SOX6: variants seen among roughly 807,000 people sequenced by gnomAD.
SOX6 encodes the protein transcription factor SOX-6.
A neutral mutation model predicts 97.8 loss-of-function variants in SOX6; 11 were observed. That is an observed-to-expected ratio of 0.11 (90% CI 0.07 to 0.19). The LOEUF (loss-of-function observed/expected upper bound fraction) is 0.19, where lower values mean the gene tolerates loss of function less well. Among genes scored for constraint, SOX6 ranks in the 10% least tolerant of loss-of-function variants. The pLI is 1.00. For missense variants in SOX6, 810 were observed against 1,039.5 expected (o/e 0.78, Z 3.04); for synonymous variants, 360 against 371.4 (o/e 0.97, Z 0.35).
At chr11:16,361,662 C>G (rs1857214501) in intron 1 of SOX6, among the ~76,000 whole-genome samples, 1 of 152,234 alleles carries the variant, frequency 6.6e-6, no homozygotes, top group East Asian at 1.9e-4. Context: ...AACATGTAAT[C>G]CTGAACCAGT....
intron 1 of SOX6, among the ~76,000 whole-genome samples, chr11:16,379,478 A>C (rs1857743605): frequency 6.6e-6 from 1 of 152,210 alleles, no homozygotes; most frequent in Non-Finnish European, 1.5e-5. Context: ...AAAAAAGAAA[A>C]AAAAATGCAA....
At chr11:16,513,144 T>A (rs868641255) in intron 4 of SOX6, among the ~76,000 whole-genome samples, 1 of 152,212 alleles carries the variant, frequency 6.6e-6, no homozygotes, top group South Asian at 2.1e-4. Context: ...AAGAAGCATA[T>A]GTGCAACTTC....
intron 3 of SOX6, among the ~76,000 whole-genome samples, chr11:16,662,533 AT>A (rs1847773553): frequency 6.6e-6 from 1 of 152,210 alleles, no homozygotes; most frequent in Non-Finnish European, 1.5e-5. Context: ...ACAATATAAT[AT>A]TTTTAAAAAG....
Position 16,259,973 on chromosome 11 carries a change from G to GTGTGTGTGTGTGTA in SOX6, c.446-25303_446-25302insTACACACACACACA, listed in dbSNP as rs71044090. Among the ~76,000 whole-genome samples, 663 of 145,248 alleles carry GTGTGTGTGTGTGTA rather than the reference G, an allele frequency of 4.6e-3. 2 individuals carry two copies. The highest frequency in any genetic ancestry group is 0.015 in the African/African-American group (625 of 40,482). ...TGTGTGTGTGTGTGTGTGTGTGTGT[G>GTGTGTGTGTGTGTA]TATATATACACATATACATATATAT... On this transcript the variant is annotated intron_variant, in intron 3 of 15. Transcript: ENST00000683767.
intron 1 of SOX6, chr11:16,736,533 T>C (rs1848392420): frequency 6.6e-6 from 1 of 152,230 alleles, no homozygotes; most frequent in East Asian, 1.9e-4. Flanking sequence ...TTTCACCAAC[T>C]AGTAAAATTA....
At chr11:16,454,973 A>C (rs1859787137) in intron 1 of SOX6, among the ~76,000 whole-genome samples, 1 of 152,072 alleles carries the variant, frequency 6.6e-6, no homozygotes, top group Non-Finnish European at 1.5e-5. Context: ...CTAAAGACTT[A>C]GCAAGAAAAC....
At chr11:16,313,324 TAA>T (rs1339799392) in intron 3 of SOX6, 1 of 152,166 alleles carries the variant, frequency 6.6e-6, no homozygotes, top group Non-Finnish European at 1.5e-5. Flanking sequence ...TTTAGTCTGA[TAA>T]AGAGTAAAAA....
At chr11:16,542,902 T>C (rs1262122258) in intron 4 of SOX6, among the ~76,000 whole-genome samples, 1 of 152,094 alleles carries the variant, frequency 6.6e-6, no homozygotes, top group Admixed American at 6.6e-5. Context: ...GGACCAGTAA[T>C]TGGTAAATGA....
intron 15 of SOX6, among the ~76,000 whole-genome samples, chr11:15,985,589 A>G (rs1684488564): frequency 1.3e-5 from 2 of 152,200 alleles, no homozygotes; most frequent in Non-Finnish European, 2.9e-5. Context: ...TTATACCAGA[A>G]ATCTATTACC....
intron 1 of SOX6, among the ~76,000 whole-genome samples, chr11:16,441,307 T>A (rs537525667): frequency 1.3e-5 from 2 of 152,224 alleles, no homozygotes; most frequent in African/African-American, 4.8e-5. Context: ...CCATTATTGA[T>A]GCCCTTCCTT....
intron 4 of SOX6, among the ~76,000 whole-genome samples, chr11:16,591,282 G>A (rs1848147139): frequency 6.6e-6 from 1 of 150,934 alleles, no homozygotes; most frequent in African/African-American, 2.4e-5. Flanking sequence ...GTGAGTGTGT[G>A]TTACCAAACA....
intron 12 of SOX6, among the ~76,000 whole-genome samples, chr11:16,033,840 C>T (rs1490714407): frequency 6.6e-6 from 1 of 151,362 alleles, no homozygotes; most frequent in African/African-American, 2.4e-5. Flanking sequence ...CCATTGCACT[C>T]CAGCCTGGGC....
chr11:16,303,802 G>C (rs1855336665), intron 3 of SOX6, among the ~76,000 whole-genome samples: 2 of 152,118 alleles, frequency 1.3e-5, no homozygotes, highest in African/African-American at 2.4e-5. Flanking sequence ...TTTGTAATCA[G>C]CATTTTGTAA....
intron 4 of SOX6, among the ~76,000 whole-genome samples, chr11:16,583,955 G>A (rs564191850): frequency 6.6e-6 from 1 of 151,802 alleles, no homozygotes; most frequent in East Asian, 1.9e-4. Flanking sequence ...ATACTAACTG[G>A]GGCGAGATAA....
chr11:15,977,585 C>CA (rs780406451), intron 15 of SOX6, among the ~76,000 whole-genome samples: 2 of 151,852 alleles, frequency 1.3e-5, no homozygotes, highest in Non-Finnish European at 2.9e-5. Flanking sequence ...CCCTTGCAGA[C>CA]ACTCTCCATT....
chr11:16,431,206 C>A (rs921117237), intron 1 of SOX6, among the ~76,000 whole-genome samples: 11 of 152,236 alleles, frequency 7.2e-5, no homozygotes, highest in African/African-American at 2.6e-4. Flanking sequence ...CTCCCTACCA[C>A]CTTTGCCATG....
At chr11:16,517,173 G>A (rs1860987668) in intron 4 of SOX6, among the ~76,000 whole-genome samples, 1 of 152,104 alleles carries the variant, frequency 6.6e-6, no homozygotes, top group Non-Finnish European at 1.5e-5. Context: ...TTGATGGGAT[G>A]TATTTCAAAA....
At chr11:16,200,725 T>C (rs1851912046) in intron 4 of SOX6, among the ~76,000 whole-genome samples, 1 of 152,170 alleles carries the variant, frequency 6.6e-6, no homozygotes, top group African/African-American at 2.4e-5. Flanking sequence ...TCTTCTAAAT[T>C]ACTTGATTAC....
Position 15,969,564 on chromosome 11 carries a change from A to T in SOX6, c.*3245T>A, listed in dbSNP as rs1200123035. The T allele has an allele frequency of 3.9e-5, 6 of 152,198 alleles. No homozygotes were observed. The highest frequency in any genetic ancestry group is 7.2e-5 in the African/African-American group (3 of 41,436). The allele number at this position is 152,198 out of a possible 1,614,324, so 9.4% of individuals were successfully genotyped here. On this transcript the variant is annotated 3_prime_UTR_variant, in exon 16 of 16. Coordinates refer to ENST00000683767, the MANE Select transcript of SOX6 (RefSeq NM_001367873.1). ...ACACTGCTCTCTCACTGTAGCTGAT[A>T]ACTCACTACCCCGAGAGGCACAGTG...
Sources: allele counts gnomAD v4.1 joint callset (sites outside exome capture counted in the v4.1 genomes callset), GRCh38; gene constraint gnomAD v4.1.1; transcripts MANE v1.5; gene names NCBI Gene and HGNC (gene_info 2026-07-23, HGNC 2026-07-21).